DRC7: variants seen among roughly 807,000 people sequenced by gnomAD.
DRC7 encodes the protein coiled-coil domain containing 135.
DRC7 carries 80 observed loss-of-function variants against 104.4 expected under a neutral mutation model. The observed-to-expected ratio is 0.77, with a 90% confidence interval of 0.64 to 0.92. The LOEUF (loss-of-function observed/expected upper bound fraction) is 0.92, where lower values mean the gene tolerates loss of function less well. DRC7 is among the 40% of genes least tolerant of loss of function. The pLI, the probability that DRC7 is intolerant of heterozygous loss-of-function variation, is 0.00. For missense variants in DRC7, 1,034 were observed against 1,141.1 expected (o/e 0.91, Z 1.35); for synonymous variants, 405 against 447.3 (o/e 0.91, Z 1.19).
chr16:57,706,776 T>C (rs1157721208), intron 7 of DRC7, among the ~76,000 whole-genome samples: 42 of 92,172 alleles, frequency 4.6e-4, no homozygotes, highest in East Asian at 1.3e-3. Flanking sequence ...ATCCATTGTC[T>C]CACTCATCCT....
chr16:57,709,543 A>G (rs1299101529), intron 8 of DRC7, among the ~76,000 whole-genome samples: 1 of 152,140 alleles, frequency 6.6e-6, no homozygotes, highest in East Asian at 1.9e-4. Context: ...TTTTTAATCA[A>G]ACAAAATTTG....
intron 2 of DRC7, among the ~76,000 whole-genome samples, chr16:57,697,314 C>A (rs1279394880): frequency 1.3e-5 from 2 of 152,066 alleles, no homozygotes; most frequent in Non-Finnish European, 2.9e-5. Flanking sequence ...ATGGCTCATG[C>A]CTGTAATCCC....
intron 13 of DRC7, among the ~76,000 whole-genome samples, chr16:57,725,249 C>T (rs2048949363): frequency 6.6e-6 from 1 of 152,076 alleles, no homozygotes; most frequent in African/African-American, 2.4e-5. Context: ...CTTATAAAAC[C>T]ATCAGATCGT....
chr16:57,701,788 G>A, intron 5 of DRC7, 148 bp from the exon 6 acceptor site: 1 of 625,864 alleles, frequency 1.6e-6, no homozygotes, highest in Non-Finnish European at 2.8e-6. Flanking sequence ...CAGGCTCCCT[G>A]ACCCCACAAG....
At chr16:57,721,550 C>A (rs1013213123) in intron 9 of DRC7, 117 bp from the exon 10 acceptor site, 135 of 724,334 alleles carry the variant, frequency 1.9e-4, no homozygotes, top group Admixed American at 9.3e-5. Flanking sequence ...AGTTCCCCTG[C>A]GGAAGCCAAC....
At chr16:57,729,894 ATGAG>A (rs1279354137) in intron 17 of DRC7, among the ~76,000 whole-genome samples, 1 of 91,942 alleles carries the variant, frequency 1.1e-5, no homozygotes, top group Non-Finnish European at 2.1e-5. Flanking sequence ...GGATGGGTGG[ATGAG>A]TGAGTGAGTA....
intron 1 of DRC7, among the ~76,000 whole-genome samples, chr16:57,695,141 C>T (rs1490833834): frequency 2.6e-5 from 4 of 152,048 alleles, no homozygotes; most frequent in African/African-American, 9.7e-5. Context: ...GAATAAAGTG[C>T]TGTGGGTTCT....
At chr16:57,700,092 T>A in intron 4 of DRC7, 53 bp from the exon 5 acceptor site, 1 of 1,583,212 alleles carries the variant, frequency 6.3e-7, no homozygotes, top group African/African-American at 1.3e-5. Context: ...CCAAGCTTGA[T>A]CTCACAAGTT....
intron 8 of DRC7, among the ~76,000 whole-genome samples, chr16:57,716,464 C>G (rs374289052): frequency 1.5e-4 from 22 of 149,676 alleles, no homozygotes; most frequent in African/African-American, 5.4e-4. Flanking sequence ...GATCATGCCA[C>G]TGCACTCCAG....
chr16:57,720,458 G>A (rs2048890968), intron 9 of DRC7, among the ~76,000 whole-genome samples: 1 of 152,214 alleles, frequency 6.6e-6, no homozygotes, highest in African/African-American at 2.4e-5. Context: ...CTGGCCTTGG[G>A]GCATGGACCA....
chr16:57,729,806 GTGA>G (rs2049033284), intron 17 of DRC7, among the ~76,000 whole-genome samples: 1 of 127,500 alleles, frequency 7.8e-6, no homozygotes, highest in African/African-American at 3.7e-5. Flanking sequence ...GGATGGATGA[GTGA>G]GTAGGTGGGT....
chr16:57,714,240 T>C, intron 8 of DRC7: 1 of 178,338 alleles, frequency 5.6e-6, no homozygotes. Context: ...GAAGGCATCC[T>C]AGGATTTCTC....
chr16:57,700,229 G>A lies in DRC7; in HGVS notation c.463G>A (p.Asp155Asn), dbSNP rs201048078. ...NWDSCAQFVS[D>N]FLTMVPLPDP... ...GGACAGCTGTGCCCAGTTTGTCTCC[G>A]ACTTCCTCACCATGGTGCCCCTGCC... Residue 155 changes from aspartate to asparagine, a missense_variant, in exon 5 of 19, where the codon GAC (aspartate) becomes AAC (asparagine). Asp to Asn is a conservative substitution (Grantham distance 23). Transcript: ENST00000360716. 1.6e-5 allele frequency: 26 copies of A among 1,614,002 alleles called. No homozygotes were observed. The highest frequency in any genetic ancestry group is 4.5e-5 in the East Asian group (2 of 44,870).
chr16:57,719,864 C>T (rs1403597661), intron 9 of DRC7, among the ~76,000 whole-genome samples: 1 of 152,134 alleles, frequency 6.6e-6, no homozygotes, highest in East Asian at 1.9e-4. Flanking sequence ...ACCTTAATCA[C>T]CTCTCTAAAG....
chr16:57,708,298 C>T (rs1451475845), intron 8 of DRC7, among the ~76,000 whole-genome samples: 1 of 152,184 alleles, frequency 6.6e-6, no homozygotes, highest in Admixed American at 6.5e-5. Context: ...TAAGCACTAT[C>T]TTGACTTCTA....
intron 3 of DRC7, 28 bp from the exon 4 acceptor site, chr16:57,698,821 TC>T: frequency 3.1e-6 from 5 of 1,605,602 alleles, no homozygotes; most frequent in Non-Finnish European, 4.3e-6. Context: ...AGGCATGGCT[TC>T]CCTAATGCCA....
intron 13 of DRC7, 100 bp from the exon 14 acceptor site, chr16:57,725,968 A>G: frequency 2.0e-6 from 2 of 990,168 alleles, no homozygotes; most frequent in Non-Finnish European, 1.5e-6. Flanking sequence ...CCCAGACTCC[A>G]GTGTCCTGAA....
chr16:57,707,385 C>A, intron 7 of DRC7, 75 bp from the exon 8 acceptor site: 1 of 1,401,930 alleles, frequency 7.1e-7, no homozygotes, highest in Non-Finnish European at 9.8e-7. Context: ...GTTCCCCAGC[C>A]CCAGGGAGAT....
At chr16:57,707,850 A>G (rs1464695947) in intron 8 of DRC7, 172 bp downstream of exon 8, 7 of 630,512 alleles carry the variant, frequency 1.1e-5, no homozygotes, top group Non-Finnish European at 1.7e-5. Context: ...ATGAATAACC[A>G]TTCTGATACG....
Sources: gnomAD v4.1 joint callset for allele counts (sites outside exome capture counted in the v4.1 genomes callset) on GRCh38, gnomAD v4.1.1 for gene constraint, MANE v1.5 for transcripts, NCBI Gene and HGNC (gene_info 2026-07-23, HGNC 2026-07-21) for gene names.